Variants in DOK6 observed in about 807,000 individuals in gnomAD.
The protein encoded by DOK6 is docking protein 6.
In DOK6, 22 loss-of-function variants were observed where a neutral mutation model predicts 44.0. The observed-to-expected ratio is 0.50, with a 90% CI of 0.36 to 0.71. The LOEUF (loss-of-function observed/expected upper bound fraction) is 0.71. Ranked by LOEUF, DOK6 falls within the 30% of genes least tolerant of loss-of-function variation. DOK6 has a pLI of 0.00. For synonymous variants in DOK6, 166 were observed against 145.5 expected, an observed-to-expected ratio of 1.14 and a Z score of -1.01; for missense variants, 340 against 416.4, an observed-to-expected ratio of 0.82 and a Z score of 1.60.
At chr18:69,610,124 A>G (rs1402713328) in intron 3 of DOK6, among the ~76,000 whole-genome samples, 1 of 152,192 alleles carries the variant, frequency 6.6e-6, no homozygotes, top group Non-Finnish European at 1.5e-5. Context: ...TGCCTTTTTA[A>G]AAATCTGTTA....
At chr18:69,737,965 A>T (rs769790641) in intron 5 of DOK6, among the ~76,000 whole-genome samples, 2 of 152,212 alleles carry the variant, frequency 1.3e-5, no homozygotes, top group African/African-American at 2.4e-5. Context: ...CTCTGAATCA[A>T]CAAAGAAAGC....
chr18:69,465,741 A>G (rs946416009), intron 1 of DOK6, among the ~76,000 whole-genome samples: 1 of 151,918 alleles, frequency 6.6e-6, no homozygotes, highest in Non-Finnish European at 1.5e-5. Context: ...AGTCTTTGCT[A>G]TTGTGAATAG....
At chr18:69,427,767 T>C (rs1388436439) in intron 1 of DOK6, among the ~76,000 whole-genome samples, 1 of 143,698 alleles carries the variant, frequency 7.0e-6, no homozygotes, top group Non-Finnish European at 1.5e-5. Flanking sequence ...ATATACACCA[T>C]GGAATACCCT....
intron 3 of DOK6, among the ~76,000 whole-genome samples, chr18:69,625,372 C>A (rs1984534857): frequency 6.6e-6 from 1 of 152,034 alleles, no homozygotes; most frequent in Non-Finnish European, 1.5e-5. Flanking sequence ...TGGTGATGCA[C>A]CTTGGGAGGG....
chr18:69,726,988 G>A (rs1978311981), intron 5 of DOK6, among the ~76,000 whole-genome samples: 1 of 152,106 alleles, frequency 6.6e-6, no homozygotes, highest in Admixed American at 6.5e-5. Flanking sequence ...CCAAGTAGCT[G>A]GGGCTACAGG....
rs188769049 is a variant in DOK6, at chr18:69,769,495, T to G, written c.856+11622T>G. 1.2e-3 allele frequency among the ~76,000 whole-genome samples: 187 copies of G among 152,228 alleles called. 1 individual carries two copies. The highest frequency in any genetic ancestry group is 4.3e-3 in the African/African-American group (180 of 41,570). On this transcript the variant is annotated intron_variant, in intron 7 of 7. Transcript: ENST00000382713. ...TTGAAACTTTTCTTTGAGATTGATT[T>G]ACCATTTATAAATTTCTTTTTAAAA...
chr18:69,657,477 G>A (rs1985398515), intron 3 of DOK6, among the ~76,000 whole-genome samples: 1 of 152,180 alleles, frequency 6.6e-6, no homozygotes, highest in Non-Finnish European at 1.5e-5. Context: ...TAGGAAATAA[G>A]CATTTTGTTA....
chr18:69,518,004 C>A (rs189989582), intron 1 of DOK6, among the ~76,000 whole-genome samples: 26 of 152,260 alleles, frequency 1.7e-4, no homozygotes, highest in African/African-American at 6.3e-4. Flanking sequence ...TGGCTTTTAA[C>A]TTCTCTTGGT....
At chr18:69,747,482 A>G (rs1312207814) in intron 6 of DOK6, among the ~76,000 whole-genome samples, 2 of 152,230 alleles carry the variant, frequency 1.3e-5, no homozygotes, top group African/African-American at 4.8e-5. Context: ...ATACCTTCAT[A>G]AAATTCCCAA....
chr18:69,669,677 C>A (rs901963303), intron 3 of DOK6, among the ~76,000 whole-genome samples: 1 of 152,128 alleles, frequency 6.6e-6, no homozygotes, highest in South Asian at 2.1e-4. Context: ...CGCACCCCCC[C>A]GCCGACCCTC....
intron 6 of DOK6, among the ~76,000 whole-genome samples, chr18:69,755,735 G>A (rs879130490): frequency 2.0e-4 from 31 of 152,290 alleles, no homozygotes; most frequent in Admixed American, 1.5e-3. Context: ...TGTTAGGTCC[G>A]GGGTAAAACT....
intron 7 of DOK6, among the ~76,000 whole-genome samples, chr18:69,797,960 C>T (rs779704787): frequency 1.3e-5 from 2 of 152,100 alleles, no homozygotes; most frequent in Admixed American, 1.3e-4. Context: ...TACCAATAGC[C>T]TTGACAAAGA....
rs149171532 is a variant in DOK6 at position 69,740,835 on chromosome 18, T to C, written c.738+1732T>C. 9.8e-4 allele frequency among the ~76,000 whole-genome samples: 150 copies of C among 152,326 alleles called. 1 individual carries two copies. The highest frequency in any genetic ancestry group is 3.3e-3 in the African/African-American group (138 of 41,566). ...GGATGACGGTGATGTCGGAGTGACATTGTATAGTTATAAGAGTTGCTATTA... is the reference window on the plus strand; with the variant it reads ...GGATGACGGTGATGTCGGAGTGACACTGTATAGTTATAAGAGTTGCTATTA... On this transcript the variant is annotated intron_variant, in intron 6 of 7. Transcript: ENST00000382713.
chr18:69,744,754 G>A (rs1349601326), intron 6 of DOK6, among the ~76,000 whole-genome samples: 2 of 151,834 alleles, frequency 1.3e-5, no homozygotes, highest in Admixed American at 6.6e-5. Context: ...GTGAAACCCT[G>A]TCTCTACTAA....
chr18:69,600,353 C>T (rs13381695), intron 3 of DOK6, among the ~76,000 whole-genome samples: 1,657 of 152,232 alleles, frequency 0.011, 20 homozygotes, highest in African/African-American at 0.038. Context: ...CTCTCACCGA[C>T]CTTATCTTAG....
At chr18:69,449,235 A>G (rs985831537) in intron 1 of DOK6, among the ~76,000 whole-genome samples, 1 of 152,200 alleles carries the variant, frequency 6.6e-6, no homozygotes, top group Non-Finnish European at 1.5e-5. Context: ...TACTATATGA[A>G]CAGTAGTTTC....
At chr18:69,680,202 C>A (rs926442500) in intron 4 of DOK6, among the ~76,000 whole-genome samples, 2 of 152,096 alleles carry the variant, frequency 1.3e-5, no homozygotes, top group Admixed American at 1.3e-4. Flanking sequence ...TACATGATAT[C>A]CTATAAGGAA....
chr18:69,555,960 A>G (rs1982676420), intron 1 of DOK6, among the ~76,000 whole-genome samples: 1 of 152,238 alleles, frequency 6.6e-6, no homozygotes, highest in South Asian at 2.1e-4. Flanking sequence ...GGCTACATTC[A>G]TGAATGCATA....
chr18:69,627,897 A>T (rs898677508), intron 3 of DOK6, among the ~76,000 whole-genome samples: 3 of 152,174 alleles, frequency 2.0e-5, no homozygotes, highest in Non-Finnish European at 4.4e-5. Context: ...CTTTTTCAAT[A>T]TCATTATCCA....
Sources: gnomAD v4.1 joint callset for allele counts (sites outside exome capture counted in the v4.1 genomes callset) on GRCh38, gnomAD v4.1.1 for gene constraint, MANE v1.5 for transcripts, NCBI Gene and HGNC (gene_info 2026-07-23, HGNC 2026-07-21) for gene names.